The following ZBTB16 variants were observed in gnomAD, a reference collection of about 807,000 sequenced individuals.
The protein encoded by ZBTB16 is zinc finger and BTB domain-containing protein 16.
A neutral mutation model predicts 56.8 loss-of-function variants in ZBTB16; 8 were observed. The ratio of observed to expected loss-of-function variants is 0.14; its 90% CI spans 0.08 to 0.25. The LOEUF (loss-of-function observed/expected upper bound fraction) is 0.25, where lower values mean the gene tolerates loss of function less well. Among genes scored for constraint, ZBTB16 ranks in the 10% least tolerant of loss-of-function variants. The pLI, the probability that ZBTB16 is intolerant of heterozygous loss-of-function variation, is 1.00. For synonymous variants in ZBTB16, 363 were observed against 368.5 expected, an observed-to-expected ratio of 0.98 and a Z score of 0.17; for missense variants, 625 against 903.0, an observed-to-expected ratio of 0.69 and a Z score of 3.95.
chr11:114,230,478 G>C (rs561114838), intron 4 of ZBTB16, among the ~76,000 whole-genome samples: 1 of 152,062 alleles, frequency 6.6e-6, no homozygotes, highest in Non-Finnish European at 1.5e-5. Context: ...ATTGTGTGCC[G>C]TACAGTACGG....
At chr11:114,074,701 G>A (rs538753122) in intron 2 of ZBTB16, among the ~76,000 whole-genome samples, 1 of 152,338 alleles carries the variant, frequency 6.6e-6, no homozygotes, top group African/African-American at 2.4e-5. Context: ...CCTGTCAGCC[G>A]GAGCTCGCCG....
chr11:114,115,268 T>C (rs1941136102), intron 2 of ZBTB16, among the ~76,000 whole-genome samples: 1 of 152,108 alleles, frequency 6.6e-6, no homozygotes, highest in South Asian at 2.1e-4. Flanking sequence ...TTAAAGTGTT[T>C]GGTCTGTTGC....
At position 114,060,928 on chromosome 11, in the gene ZBTB16, C is replaced by G. The variant is rs1436489705; in HGVS notation, c.-91+1046C>G. ...TTTCCTCCCACAACTCGCTGCGGGG[C>G]TTTTGTGCTTCCCCTTCGCCGCGGG... On this transcript the variant is annotated intron_variant, in intron 1 of 6. Coordinates refer to ENST00000335953, the MANE Select transcript of ZBTB16 (RefSeq NM_006006.6). The surrounding 1 kb of genome is among the most constrained non-coding windows in gnomAD (Gnocchi z 6.0). Among the ~76,000 whole-genome samples the G allele has an allele frequency of 6.6e-6, 1 of 152,150 alleles. No homozygotes were observed. Among genetic ancestry groups the G allele is most frequent in the Non-Finnish European group, 1.5e-5 (1 of 68,002 alleles).
At chr11:114,105,536 G>C (rs746418933) in intron 2 of ZBTB16, among the ~76,000 whole-genome samples, 1 of 152,188 alleles carries the variant, frequency 6.6e-6, no homozygotes, top group Non-Finnish European at 1.5e-5. Context: ...CACCGCGCCC[G>C]ACCCAATTCT....
At chr11:114,210,190 TGTGCGTGCGC>T (rs1370099347) in intron 4 of ZBTB16, among the ~76,000 whole-genome samples, 5 of 131,622 alleles carry the variant, frequency 3.8e-5, no homozygotes, top group African/African-American at 1.1e-4. Flanking sequence ...TGTGTGTGTG[TGTGCGTGCGC>T]GCGCGTGCAC....
intron 2 of ZBTB16, among the ~76,000 whole-genome samples, chr11:114,075,842 C>A (rs1939541332): frequency 2.0e-5 from 3 of 151,998 alleles, no homozygotes. Flanking sequence ...CAAAAGTTTT[C>A]CCCCCATCAT....
intron 5 of ZBTB16, among the ~76,000 whole-genome samples, chr11:114,244,521 A>T (rs1406353391): frequency 6.6e-6 from 1 of 152,168 alleles, no homozygotes; most frequent in Non-Finnish European, 1.5e-5. Context: ...TTTTGTGTAC[A>T]TTATGGCCAC....
intron 4 of ZBTB16, among the ~76,000 whole-genome samples, chr11:114,198,024 G>GAA (rs36102991): frequency 4.8e-5 from 7 of 145,274 alleles, no homozygotes; most frequent in African/African-American, 1.5e-4. Flanking sequence ...AACTTTACAT[G>GAA]AAAAAAAAAA....
At chr11:114,123,736 G>A (rs375288067) in intron 2 of ZBTB16, among the ~76,000 whole-genome samples, 13 of 152,286 alleles carry the variant, frequency 8.5e-5, no homozygotes, top group Admixed American at 2.0e-4. Context: ...CAGTTTGCCA[G>A]TCTCTTAGCT....
intron 2 of ZBTB16, among the ~76,000 whole-genome samples, chr11:114,150,644 C>CTTTGTCA (rs1942257501): frequency 1.3e-5 from 2 of 152,160 alleles, no homozygotes; most frequent in South Asian, 4.1e-4. Flanking sequence ...TTCACCTTTC[C>CTTTGTCA]TTTGTCATTT....
intron 2 of ZBTB16, among the ~76,000 whole-genome samples, chr11:114,105,416 T>A (rs1168850967): frequency 6.6e-6 from 1 of 152,092 alleles, no homozygotes; most frequent in Non-Finnish European, 1.5e-5. Flanking sequence ...ATTTTTGTAT[T>A]TTTAATAGAG....
At chr11:114,199,943 A>G (rs1327513341) in intron 4 of ZBTB16, among the ~76,000 whole-genome samples, 2 of 152,146 alleles carry the variant, frequency 1.3e-5, no homozygotes, top group African/African-American at 4.8e-5. Flanking sequence ...CCTGGCTAAC[A>G]TGGTGAAACC....
At chr11:114,247,945 C>G (rs971544569) in intron 6 of ZBTB16, among the ~76,000 whole-genome samples, 1 of 151,930 alleles carries the variant, frequency 6.6e-6, no homozygotes. Context: ...TTGGCCAGGC[C>G]GGAGTGCAGT....
chr11:114,176,193 T>C (rs1943110194), intron 3 of ZBTB16, among the ~76,000 whole-genome samples: 1 of 152,168 alleles, frequency 6.6e-6, no homozygotes, highest in African/African-American at 2.4e-5. Flanking sequence ...TCTCTTTTCA[T>C]TCTGAACTTC....
intron 2 of ZBTB16, among the ~76,000 whole-genome samples, chr11:114,126,170 T>C (rs1941502538): frequency 6.6e-6 from 1 of 152,208 alleles, no homozygotes. Flanking sequence ...TTCTGTGATC[T>C]CTCATTGGAA....
At chr11:114,134,557 C>T (rs1419772164) in intron 2 of ZBTB16, among the ~76,000 whole-genome samples, 2 of 152,096 alleles carry the variant, frequency 1.3e-5, no homozygotes, top group Non-Finnish European at 1.5e-5. Flanking sequence ...CTAGATATAG[C>T]CCTTTATACT....
In ZBTB16 at chr11:114,250,177, T is replaced by G; in HGVS notation, c.1793-149T>G. On this transcript the variant is annotated intron_variant, in intron 6 of 6. Transcript: ENST00000335953. The surrounding 1 kb of genome is among the most constrained non-coding windows in gnomAD (Gnocchi z 6.0). ...CATGTGTGACTGGTGGCTGCCGTCT[T>G]GGGTGGTGCCTTCATTGTCCCAGAA... 1 of 794,230 alleles carries G rather than the reference T, an allele frequency of 1.3e-6. No homozygotes were observed. The highest frequency in any genetic ancestry group is 2.1e-6 in the Non-Finnish European group (1 of 466,260). 49.2% of individuals were successfully genotyped at this position (794,230 alleles called of 1,614,324 possible). A position where few individuals can be genotyped will look rare whatever the true frequency, so the allele number is the denominator to read the frequency against.
chr11:114,090,297 C>T (rs1940137004), intron 2 of ZBTB16, among the ~76,000 whole-genome samples: 2 of 152,122 alleles, frequency 1.3e-5, no homozygotes, highest in African/African-American at 4.8e-5. Context: ...TGTCTGAGGC[C>T]TGATGGTGTT....
chr11:114,079,779 C>G (rs770835985), intron 2 of ZBTB16, among the ~76,000 whole-genome samples: 1 of 152,134 alleles, frequency 6.6e-6, no homozygotes, highest in Non-Finnish European at 1.5e-5. Flanking sequence ...TGGCTCAGCA[C>G]TGGGGTGAGT....
Sources: gnomAD v4.1 joint callset for allele counts (sites outside exome capture counted in the v4.1 genomes callset) on GRCh38, gnomAD v4.1.1 for gene constraint, Gnocchi (gnomAD v3.1) non-coding constraint, MANE v1.5 for transcripts, NCBI Gene and HGNC (gene_info 2026-07-23, HGNC 2026-07-21) for gene names.